Variants in PCDHGA4 observed in about 807,000 individuals in gnomAD.
PCDHGA4 encodes the protein protocadherin gamma subfamily A, 4, also known as protocadherin gamma-A4.
PCDHGA4 carries 38 observed loss-of-function variants against 54.6 expected under a neutral mutation model. That is an observed-to-expected ratio of 0.70 (90% CI 0.54 to 0.91). The LOEUF (loss-of-function observed/expected upper bound fraction) is 0.91. PCDHGA4 is among the 40% of genes least tolerant of loss of function. PCDHGA4 has a pLI of 0.00. For synonymous variants in PCDHGA4, 511 were observed against 512.9 expected (o/e 1.00, Z 0.05); for missense variants, 1,298 against 1,220.9 (o/e 1.06, Z -0.94).
At position 141,422,391 on chromosome 5, in the gene PCDHGA4, T is replaced by A. The variant is rs1036823508; in HGVS notation, c.2514+64770T>A. On this transcript the variant is annotated intron_variant, in intron 1 of 3. Transcript: ENST00000571252. ...ATGGTCAAGTCTCCTGTTTTATTCCTAACCACCTGCCTTTTAAATTAGAAA... is the reference window on the plus strand; with the variant it reads ...ATGGTCAAGTCTCCTGTTTTATTCCAAACCACCTGCCTTTTAAATTAGAAA... 2.5e-6 allele frequency: 4 copies of A among 1,591,932 alleles called. No individual in the cohort carries two copies. The African/African-American group carries it at 4.1e-5, about 16-fold the overall frequency.
chr5:141,467,756 T>A (rs1312303182), intron 1 of PCDHGA4, among the ~76,000 whole-genome samples: 5 of 151,988 alleles, frequency 3.3e-5, no homozygotes, highest in African/African-American at 1.2e-4. Flanking sequence ...CCGCCTCACA[T>A]GCTCAAGTGC....
intron 2 of PCDHGA4, among the ~76,000 whole-genome samples, chr5:141,505,092 G>A (rs965653546): frequency 5.9e-5 from 9 of 152,170 alleles, no homozygotes; most frequent in African/African-American, 2.2e-4. Flanking sequence ...AACCCAGGAG[G>A]TGGATGTTGC....
intron 1 of PCDHGA4, chr5:141,370,835 C>A: frequency 6.2e-7 from 1 of 1,613,964 alleles, no homozygotes; most frequent in Non-Finnish European, 8.5e-7. Flanking sequence ...AACTGGCTCT[C>A]ACTGGAGCCA....
intron 1 of PCDHGA4, chr5:141,399,649 G>T: frequency 1.2e-6 from 2 of 1,613,794 alleles, no homozygotes; most frequent in African/African-American, 1.3e-5. Flanking sequence ...CGCGCAAAGT[G>T]GGGTGGTGTT....
At chr5:141,413,432 G>A (rs1193674962) in intron 1 of PCDHGA4, 1 of 1,613,992 alleles carries the variant, frequency 6.2e-7, no homozygotes, top group African/African-American at 1.3e-5. Flanking sequence ...CCGCGCAGCG[G>A]CAGCTTGATC....
At chr5:141,427,276 T>G (rs1281222927) in intron 1 of PCDHGA4, 1 of 456,754 alleles carries the variant, frequency 2.2e-6, no homozygotes, top group Non-Finnish European at 4.4e-6. Context: ...GAATGTAAAA[T>G]TATACTAGAA....
intron 1 of PCDHGA4, chr5:141,440,034 A>T (rs995962283): frequency 6.5e-6 from 1 of 153,052 alleles, no homozygotes; most frequent in African/African-American, 2.4e-5. Context: ...AGTGTCGAGG[A>T]CATGCCCACT....
chr5:141,430,458 A>G, intron 1 of PCDHGA4: 1 of 204,230 alleles, frequency 4.9e-6, no homozygotes, highest in Non-Finnish European at 9.7e-6. Context: ...GAAGAACAGT[A>G]GGTGGAGCTA....
chr5:141,419,853 C>A lies in PCDHGA4; in HGVS notation c.2514+62232C>A, dbSNP rs1327953878. The A allele has an allele frequency of 1.9e-6, 3 of 1,614,072 alleles. No homozygotes were observed. In the Admixed American group the frequency reaches 5.0e-5, roughly 27 times the overall value. The stretch of plus-strand genomic sequence containing the variant: ...ACTGCCACGCTGCACCTGGTGTTCG[C>A]AGATAGCTTGCAAGAGGTACTGCCG... On this transcript the variant is annotated intron_variant, in intron 1 of 3. Transcript: ENST00000571252.
chr5:141,510,633 TACCA>T (rs2099882032), intron 3 of PCDHGA4, among the ~76,000 whole-genome samples: 1 of 152,110 alleles, frequency 6.6e-6, no homozygotes, highest in Admixed American at 6.6e-5. Flanking sequence ...AAGAGGTGGT[TACCA>T]TTATCATCCC....
chr5:141,492,296 G>GACGC lies in PCDHGA4; in HGVS notation c.2515-2500_2515-2497dup, dbSNP rs540417011. 9.7e-4 allele frequency among the ~76,000 whole-genome samples: 148 copies of GACGC among 152,328 alleles called. 2 individuals are homozygous for GACGC. In the South Asian group the frequency reaches 0.014, roughly 14 times the overall value. ...GCCACGCCCCGCCAACACGTGCGCGGACGCACGCACGCACTCCTCGCACGT... is the reference window on the plus strand; with the variant it reads ...GCCACGCCCCGCCAACACGTGCGCGGACGCACGCACGCACGCACTCCTCGCACGT... On this transcript the variant is annotated intron_variant, in intron 1 of 3. Transcript: ENST00000571252.
chr5:141,381,826 C>CTTTTTTTTTTTTTTTTTTTTTTTTTTTTT (rs770630741), intron 1 of PCDHGA4, among the ~76,000 whole-genome samples: 16 of 74,292 alleles, frequency 2.2e-4, no homozygotes, highest in Admixed American at 5.8e-4. Context: ...CTTTCTTCTT[C>CTTTTTTTTTTTTTTTTTTTTTTTTTTTTT]TTTTTTTTTT....
chr5:141,449,584 G>C (rs2098645697), intron 1 of PCDHGA4, among the ~76,000 whole-genome samples: 1 of 123,190 alleles, frequency 8.1e-6, no homozygotes, highest in South Asian at 2.5e-4. Context: ...GCAAGACTCT[G>C]TCTCAAAAAA....
chr5:141,428,459 A>G (rs1322945046), intron 1 of PCDHGA4: 2 of 350,154 alleles, frequency 5.7e-6, no homozygotes, highest in Non-Finnish European at 1.1e-5. Flanking sequence ...CCCAACTACA[A>G]TGAGGGAACT....
chr5:141,382,985 G>A (rs769787880), intron 1 of PCDHGA4: 50 of 1,613,304 alleles, frequency 3.1e-5, no homozygotes, highest in Non-Finnish European at 4.2e-5. Flanking sequence ...GCCTGGGCAG[G>A]ACGTATTCTC....
Position 141,423,412 on chromosome 5 carries a change from T to C in PCDHGA4, c.2514+65791T>C, listed in dbSNP as rs754410783. 4 of 1,614,166 alleles carry C rather than the reference T, an allele frequency of 2.5e-6. No individual in the cohort carries two copies. The Admixed American group carries it at 6.7e-5, about 27-fold the overall frequency. The stretch of plus-strand genomic sequence containing the variant: ...GCATAAGTCACGCCTGCTGCAGGCT[T>C]CTGAAGGCGGGTTGGCAGGTATGCC... On this transcript the variant is annotated intron_variant, in intron 1 of 3. Coordinates refer to ENST00000571252, the MANE Select transcript of PCDHGA4 (RefSeq NM_018917.4).
intron 1 of PCDHGA4, chr5:141,419,629 G>T: frequency 6.2e-7 from 1 of 1,612,444 alleles, no homozygotes; most frequent in Non-Finnish European, 8.5e-7. Context: ...TGGTGACCAA[G>T]GTGGTGGCCG....
chr5:141,389,442 C>T, intron 1 of PCDHGA4: 2 of 1,610,586 alleles, frequency 1.2e-6, no homozygotes, highest in Non-Finnish European at 1.7e-6. Context: ...CGCCTTCGAC[C>T]ACGAGCAGCT....
chr5:141,400,311 T>A, intron 1 of PCDHGA4: 1 of 1,614,098 alleles, frequency 6.2e-7, no homozygotes, highest in Non-Finnish European at 8.5e-7. Flanking sequence ...CTGGTCTCTG[T>A]GTCAAGTCTG....
Sources: gnomAD v4.1 joint callset for allele counts (sites outside exome capture counted in the v4.1 genomes callset) on GRCh38, gnomAD v4.1.1 for gene constraint, MANE v1.5 for transcripts, NCBI Gene and HGNC (gene_info 2026-07-23, HGNC 2026-07-21) for gene names.